Variants in NFATC3 observed in about 807,000 individuals in gnomAD.
NFATC3 encodes nuclear factor of activated T-cells, cytoplasmic 3.
Under a neutral mutation model 98.6 loss-of-function variants are expected in NFATC3, and 46 were observed. The ratio of observed to expected loss-of-function variants is 0.47; its 90% confidence interval spans 0.37 to 0.60. The LOEUF is 0.60. NFATC3 is among the 20% of genes least tolerant of loss of function. The probability of loss-of-function intolerance (pLI) is 0.00; values close to 1 mark genes in which losing one functional copy is unlikely to be tolerated. For missense variants in NFATC3, 1,256 were observed against 1,295.5 expected, an observed-to-expected ratio of 0.97 and a Z score of 0.47; for synonymous variants, 512 against 472.2, an observed-to-expected ratio of 1.08 and a Z score of -1.09.
chr16:68,088,850 A>G (rs1198726936), intron 1 of NFATC3: 1 of 353,600 alleles, frequency 2.8e-6, no homozygotes, highest in Non-Finnish European at 4.0e-6. Context: ...ATATATTTTT[A>G]AATAGAGATG....
At chr16:68,208,136 A>G (rs764457627) in intron 9 of NFATC3, among the ~76,000 whole-genome samples, 106 of 151,908 alleles carry the variant, frequency 7.0e-4, no homozygotes, top group Admixed American at 2.6e-3. Context: ...CCCAAGTTCA[A>G]GCGATTCTCC....
chr16:68,227,509 G>C lies in NFATC3; in HGVS notation c.*1038G>C, dbSNP rs771625672. On this transcript the variant is annotated 3_prime_UTR_variant, in exon 10 of 10. Coordinates refer to ENST00000346183, the MANE Select transcript of NFATC3 (RefSeq NM_173165.3). ...TGAGCAGTACATCAGCATGGGCAGA[G>C]AAAATACAGGACTCCAGATGGGAAG... 1.3e-5 allele frequency: 2 copies of C among 152,250 alleles called. No individual in the cohort carries two copies. The highest frequency in any genetic ancestry group is 3.8e-4 in the East Asian group (2 of 5,208). 9.4% of individuals were successfully genotyped at this position (152,250 alleles called of 1,614,324 possible).
At chr16:68,167,807 GTTCTTTTT>G (rs2039269152) in intron 5 of NFATC3, among the ~76,000 whole-genome samples, 1 of 23,588 alleles carries the variant, frequency 4.2e-5, no homozygotes, top group Non-Finnish European at 1.0e-4. Flanking sequence ...AACCGTATGT[GTTCTTTTT>G]TTTTTTTTTT....
chr16:68,211,348 C>T (rs1346127367), intron 9 of NFATC3, among the ~76,000 whole-genome samples: 2 of 150,644 alleles, frequency 1.3e-5, no homozygotes, highest in African/African-American at 4.9e-5. Flanking sequence ...CCACTATGCC[C>T]AGCTAATTTT....
chr16:68,136,886 G>A (rs564490954), intron 3 of NFATC3, among the ~76,000 whole-genome samples: 3 of 152,158 alleles, frequency 2.0e-5, no homozygotes, highest in African/African-American at 7.2e-5. Context: ...CAACAACAAA[G>A]ATTTACTTAA....
At chr16:68,185,906 G>A (rs9932460) in intron 8 of NFATC3, among the ~76,000 whole-genome samples, 66 of 147,222 alleles carry the variant, frequency 4.5e-4, no homozygotes, top group African/African-American at 1.4e-3. Context: ...AGAATTTGCC[G>A]CCTTTCAGCC....
chr16:68,181,419 G>C, intron 6 of NFATC3, 56 bp from the exon 7 acceptor site: 1 of 1,295,416 alleles, frequency 7.7e-7, no homozygotes, highest in Non-Finnish European at 1.1e-6. Flanking sequence ...ATTAGATTTT[G>C]TCTGTATGCT....
chr16:68,108,554 A>G (rs1210779769), intron 1 of NFATC3, among the ~76,000 whole-genome samples: 1 of 152,220 alleles, frequency 6.6e-6, no homozygotes, highest in Non-Finnish European at 1.5e-5. Context: ...TGTTTTAGCT[A>G]TACGGGCTCT....
intron 1 of NFATC3, chr16:68,086,531 C>G (rs773666641): frequency 6.7e-6 from 3 of 446,536 alleles, no homozygotes; most frequent in Non-Finnish European, 8.9e-6. Flanking sequence ...GCTTGCAGGT[C>G]AGACCAATCA....
At chr16:68,126,872 A>C (rs992842177) in intron 3 of NFATC3, among the ~76,000 whole-genome samples, 1 of 152,172 alleles carries the variant, frequency 6.6e-6, no homozygotes, top group African/African-American at 2.4e-5. Flanking sequence ...TTTTTCTGAC[A>C]AACAAATATG....
At chr16:68,207,547 T>C (rs1458511073) in intron 9 of NFATC3, among the ~76,000 whole-genome samples, 1 of 152,198 alleles carries the variant, frequency 6.6e-6, no homozygotes, top group Non-Finnish European at 1.5e-5. Flanking sequence ...CACTGAAGTC[T>C]CTGCCTCCTG....
chr16:68,093,745 A>G (rs1357294674), intron 1 of NFATC3, among the ~76,000 whole-genome samples: 1 of 152,226 alleles, frequency 6.6e-6, no homozygotes, highest in African/African-American at 2.4e-5. Flanking sequence ...TTGACCATCT[A>G]GAAAGTGGAA....
At chr16:68,108,898 A>G (rs2035803716) in intron 1 of NFATC3, among the ~76,000 whole-genome samples, 1 of 152,146 alleles carries the variant, frequency 6.6e-6, no homozygotes. Context: ...GCGTAAAGGA[A>G]TGCTTGTGAC....
chr16:68,158,598 A>G (rs1433578089), intron 4 of NFATC3, among the ~76,000 whole-genome samples: 1 of 152,202 alleles, frequency 6.6e-6, no homozygotes, highest in African/African-American at 2.4e-5. Flanking sequence ...CATAAACGAA[A>G]TATACAGATA....
intron 1 of NFATC3, among the ~76,000 whole-genome samples, chr16:68,095,375 C>T (rs1308499832): frequency 8.7e-6 from 1 of 115,038 alleles, no homozygotes; most frequent in East Asian, 2.5e-4. Context: ...TTTTTTGAGA[C>T]AGAGTCTCAC....
At chr16:68,194,003 G>A (rs1228129371) in intron 9 of NFATC3, among the ~76,000 whole-genome samples, 1 of 152,134 alleles carries the variant, frequency 6.6e-6, no homozygotes, top group Non-Finnish European at 1.5e-5. Flanking sequence ...TCATTTGTGT[G>A]TAAACAGAAG....
chr16:68,099,607 AAATAATAAT>A (rs369467712), intron 1 of NFATC3, among the ~76,000 whole-genome samples: 2 of 149,988 alleles, frequency 1.3e-5, no homozygotes, highest in Non-Finnish European at 3.0e-5. Flanking sequence ...TCTCAAAATA[AAATAATAAT>A]AATAATAATA....
At chr16:68,189,742 T>C (rs1237454369) in intron 8 of NFATC3, among the ~76,000 whole-genome samples, 1 of 152,192 alleles carries the variant, frequency 6.6e-6, no homozygotes, top group East Asian at 1.9e-4. Flanking sequence ...CATTTCTGAG[T>C]ATTTTATTAT....
chr16:68,201,811 AG>A (rs1567547626), intron 9 of NFATC3, among the ~76,000 whole-genome samples: 1 of 141,120 alleles, frequency 7.1e-6, no homozygotes, highest in Admixed American at 7.2e-5. Context: ...AAGAAAAATC[AG>A]CTGGGCACGA....
Sources: allele counts gnomAD v4.1 joint callset (sites outside exome capture counted in the v4.1 genomes callset), GRCh38; gene constraint gnomAD v4.1.1; transcripts MANE v1.5; gene names NCBI Gene and HGNC (gene_info 2026-07-23, HGNC 2026-07-21).